The following MSANTD1 variants were observed in gnomAD, a reference collection of about 807,000 sequenced individuals.
MSANTD1 encodes the protein Myb/SANT DNA binding domain containing 1, also known as myb/SANT-like DNA-binding domain-containing protein 1.
In MSANTD1, 7 loss-of-function variants were observed where a neutral mutation model predicts 24.2. That is an observed-to-expected ratio of 0.29 (90% CI 0.16 to 0.54). The LOEUF (loss-of-function observed/expected upper bound fraction) is 0.54. MSANTD1 is among the 20% of genes least tolerant of loss of function. The pLI, the probability that MSANTD1 is intolerant of heterozygous loss-of-function variation, is 0.94. For missense variants in MSANTD1, 384 were observed against 408.2 expected (o/e 0.94, Z 0.51); for synonymous variants, 177 against 181.1 (o/e 0.98, Z 0.18).
At chr4:3,254,224 C>G (rs549346701) in intron 2 of MSANTD1, among the ~76,000 whole-genome samples, 2 of 152,198 alleles carry the variant, frequency 1.3e-5, no homozygotes, top group Non-Finnish European at 2.9e-5. Flanking sequence ...CACAGCTTCT[C>G]CCCTGCCCTG....
chr4:3,254,584 A>C (rs1722330397), intron 2 of MSANTD1, among the ~76,000 whole-genome samples: 1 of 152,190 alleles, frequency 6.6e-6, no homozygotes, highest in Non-Finnish European at 1.5e-5. Flanking sequence ...GCCAGGGATG[A>C]GCAGGCACTG....
chr4:3,246,701 G>A, upstream of MSANTD1: 1 of 692,774 alleles, frequency 1.4e-6, no homozygotes. Flanking sequence ...GGGGACAGAT[G>A]TGGGGACCCT....
At chr4:3,249,893 G>A (rs1722167068) in intron 1 of MSANTD1, among the ~76,000 whole-genome samples, 1 of 152,126 alleles carries the variant, frequency 6.6e-6, no homozygotes, top group Admixed American at 6.5e-5. Flanking sequence ...CAACACTCAT[G>A]GTGGTGCCCA....
Position 3,253,381 on chromosome 4 carries a change from G to A in MSANTD1, c.495G>A (p.Lys165=). 1 of 1,611,160 alleles carries A rather than the reference G, an allele frequency of 6.2e-7. No individual in the cohort carries two copies. The highest frequency in any genetic ancestry group is 2.2e-5 in the East Asian group (1 of 44,832). The change falls in exon 2 of 3, where the codon AAG becomes AAA. Residue 165 remains lysine, a synonymous_variant. Coordinates refer to ENST00000438480, the MANE Select transcript of MSANTD1 (RefSeq NM_001042690.2). Reference sequence around the variant, plus strand: ...AGGCGTCCCTGTCGCCGCCCGCTAAGTCCACCCCTCTGTACTTCCCGTATA... The same window carrying A: ...AGGCGTCCCTGTCGCCGCCCGCTAAATCCACCCCTCTGTACTTCCCGTATA... ...QTEASLSPPA[K]STPLYFPYNQ...
At chr4:3,246,298 AGGTGCCCCTCAGT>A (rs1722025160), upstream of MSANTD1, among the ~76,000 whole-genome samples, 1 of 152,148 alleles carries the variant, frequency 6.6e-6, no homozygotes, top group South Asian at 2.1e-4. Flanking sequence ...TGCTCCTGGA[AGGTGCCCCTCAGT>A]GGGACGCCCA....
Position 3,249,518 on chromosome 4 carries a change from T to TCCTC in MSANTD1, c.297_298insCTCC (p.Thr100LeufsTer17), listed in dbSNP as rs1722153005. 6.2e-7 allele frequency: 1 copy of TCCTC among 1,611,360 alleles called. No individual in the cohort carries two copies. Among genetic ancestry groups the TCCTC allele is most frequent in the Admixed American group, 1.7e-5 (1 of 59,948 alleles). On this transcript the variant is annotated frameshift_variant, in exon 1 of 3. Coordinates refer to ENST00000438480, the MANE Select transcript of MSANTD1 (RefSeq NM_001042690.2). LOFTEE classifies it high-confidence loss of function. Reference sequence around the variant, plus strand: ...CTGGGCGAGGAGATCAAGATCAAGATCACCAACATGACCTTCCAGTACAGG... The same window carrying TCCTC: ...CTGGGCGAGGAGATCAAGATCAAGATCCTCCACCAACATGACCTTCCAGTACAGG...
Position 3,249,316 on chromosome 4 carries a change from C to G in MSANTD1, c.94C>G (p.Leu32Val). The G allele has an allele frequency of 6.5e-7, 1 of 1,543,888 alleles. No homozygotes were observed. The highest frequency in any genetic ancestry group is 2.4e-5 in the East Asian group (1 of 40,940). Residue 32 changes from leucine (L) to valine (V), a missense_variant, in exon 1 of 3, where the codon CTC becomes GTC. By Grantham distance (32) the Leu-to-Val change is conservative. Transcript: ENST00000438480. Reference protein sequence around the residue: ...GMAAAEGPGYLVSPQAEKHRR... With the variant: ...GMAAAEGPGYVVSPQAEKHRR... ...GGCGGCGGCCGAGGGGCCCGGCTAC[C>G]TCGTGTCTCCCCAGGCGGAGAAGCA...
chr4:3,249,634 G>A, intron 1 of MSANTD1, 92 bp downstream of exon 1: 3 of 1,281,938 alleles, frequency 2.3e-6, no homozygotes, highest in East Asian at 4.9e-5. Flanking sequence ...GAGTCGGGAC[G>A]ATGTGTGGGT....
chr4:3,248,805 G>A (rs976664781), upstream of MSANTD1: 3 of 163,638 alleles, frequency 1.8e-5, no homozygotes, highest in Non-Finnish European at 4.0e-5. Flanking sequence ...CCAGCGTTGG[G>A]GGACTCAGCC....
intron 2 of MSANTD1, 90 bp downstream of exon 2, chr4:3,253,572 G>A (rs973299245): frequency 2.1e-5 from 29 of 1,354,332 alleles, no homozygotes; most frequent in African/African-American, 4.7e-5. Context: ...GGCCGGCGGC[G>A]GCGGCCACAG....
At chr4:3,250,512 T>C (rs2110319687) in intron 1 of MSANTD1, among the ~76,000 whole-genome samples, 1 of 152,072 alleles carries the variant, frequency 6.6e-6, no homozygotes, top group African/African-American at 2.4e-5. Context: ...TTGCAGGGTG[T>C]GAAGGTCATA....
At chr4:3,255,646 T>C (rs3135173) in intron 2 of MSANTD1, 79 bp from the exon 3 acceptor site, 522,454 of 1,427,578 alleles carry the variant, frequency 0.37, 97,430 homozygotes, top group Non-Finnish European at 0.37. Context: ...CCAGTAGGAT[T>C]GTCGGGAGGG....
Position 3,256,128 on chromosome 4 carries a change from G to A in MSANTD1, c.*163G>A. 2 of 837,740 alleles carry A rather than the reference G, an allele frequency of 2.4e-6. No individual in the cohort carries two copies. The highest frequency in any genetic ancestry group is 3.4e-6 in the Non-Finnish European group (2 of 582,738). 51.9% of individuals were successfully genotyped at this position (837,740 alleles called of 1,614,324 possible). ...TGTCCCTTCTGAGGGGTATTTTGAG[G>A]AACCCCCAGGCCCTGGGGACCGTGA... On this transcript the variant is annotated 3_prime_UTR_variant, in exon 3 of 3. Transcript: ENST00000438480.
In MSANTD1 at chr4:3,249,233, G is replaced by A. The variant is rs774928849; in HGVS notation, c.11G>A (p.Gly4Glu). MVR[G>E]AGPGPSLSAL... ...CGGCGCCTCCCGCCCATGGTGCGTG[G>A]GGCCGGGCCGGGGCCCTCGCTGAGC... Residue 4 changes from glycine (G) to glutamate (E), a missense_variant, in exon 1 of 3, where the codon GGG (glycine) becomes GAG (glutamate). Coordinates refer to ENST00000438480, the MANE Select transcript of MSANTD1 (RefSeq NM_001042690.2). The A allele has an allele frequency of 1.4e-6, 2 of 1,419,628 alleles. No individual in the cohort carries two copies. Among genetic ancestry groups the A allele is most frequent in the Non-Finnish European group, 1.8e-6 (2 of 1,088,116 alleles). The allele number at this position is 1,419,628 out of a possible 1,614,324, so 87.9% of individuals were successfully genotyped here.
intron 1 of MSANTD1, among the ~76,000 whole-genome samples, chr4:3,252,447 C>T (rs1427125601): frequency 6.6e-6 from 1 of 152,234 alleles, no homozygotes; most frequent in African/African-American, 2.4e-5. Context: ...CACCCCAGGG[C>T]CTCTGGGCAG....
Position 3,256,150 on chromosome 4 carries a change from G to T in MSANTD1, c.*185G>T. 1 of 647,928 alleles carries T rather than the reference G, an allele frequency of 1.5e-6. No individual in the cohort carries two copies. Among genetic ancestry groups the T allele is most frequent in the South Asian group, 2.6e-5 (1 of 38,956 alleles). The allele number at this position is 647,928 out of a possible 1,614,324, so 40.1% of individuals were successfully genotyped here. The stretch of plus-strand genomic sequence containing the variant: ...GAGGAACCCCCAGGCCCTGGGGACC[G>T]TGAGGCTCCAGTCTCCAGCATGAAT... On this transcript the variant is annotated 3_prime_UTR_variant, in exon 3 of 3. Coordinates refer to ENST00000438480, the MANE Select transcript of MSANTD1 (RefSeq NM_001042690.2).
intron 1 of MSANTD1, 111 bp from the exon 2 acceptor site, chr4:3,253,096 A>C: frequency 8.5e-7 from 1 of 1,176,522 alleles, no homozygotes; most frequent in Non-Finnish European, 1.2e-6. Context: ...TTGCCAGCCG[A>C]GAGCGGCTCC....
At chr4:3,248,069 C>T (rs146519557), upstream of MSANTD1, 10 of 152,460 alleles carry the variant, frequency 6.6e-5, no homozygotes, top group East Asian at 9.6e-4. Flanking sequence ...CTGGGCACCG[C>T]GCCCAGCACA....
chr4:3,250,029 G>A (rs1264259116), intron 1 of MSANTD1, among the ~76,000 whole-genome samples: 2 of 152,254 alleles, frequency 1.3e-5, no homozygotes, highest in Non-Finnish European at 2.9e-5. Flanking sequence ...GAGACTGCAA[G>A]TGAGAAGGAG....
Sources: gnomAD v4.1 joint callset for allele counts (sites outside exome capture counted in the v4.1 genomes callset) on GRCh38, gnomAD v4.1.1 for gene constraint, MANE v1.5 for transcripts, NCBI Gene and HGNC (gene_info 2026-07-23, HGNC 2026-07-21) for gene names.